DAPL1: variants seen among roughly 807,000 people sequenced by gnomAD.
DAPL1 encodes the protein death associated protein like 1, also known as death-associated protein-like 1.
Under a neutral mutation model 12.9 loss-of-function variants are expected in DAPL1, and 17 were observed. That is an observed-to-expected ratio of 1.32 (90% CI 0.90 to 1.98). The LOEUF is 1.98. Ranked by LOEUF, DAPL1 falls within the 30% of genes most tolerant of loss-of-function variation. The probability of loss-of-function intolerance (pLI) is 0.00; values close to 1 mark genes in which losing one functional copy is unlikely to be tolerated. For missense variants in DAPL1, 157 were observed against 125.7 expected, an observed-to-expected ratio of 1.25 and a Z score of -1.19; for synonymous variants, 51 against 42.0, an observed-to-expected ratio of 1.21 and a Z score of -0.82.
At chr2:158,810,107 C>A (rs1356172) in intron 3 of DAPL1, among the ~76,000 whole-genome samples, 2 of 152,174 alleles carry the variant, frequency 1.3e-5, no homozygotes, top group East Asian at 3.9e-4. Flanking sequence ...CATGAAAAAG[C>A]GTAAATTTTA....
chr2:158,801,681 G>A (rs1167559212), intron 1 of DAPL1, among the ~76,000 whole-genome samples: 2 of 152,056 alleles, frequency 1.3e-5, no homozygotes, highest in Non-Finnish European at 2.9e-5. Flanking sequence ...TAATTCAAAT[G>A]ACCAAATGGA....
chr2:158,811,116 G>A (rs1377241275), intron 3 of DAPL1, among the ~76,000 whole-genome samples: 1 of 152,160 alleles, frequency 6.6e-6, no homozygotes, highest in Non-Finnish European at 1.5e-5. Context: ...TGTGGAGGGG[G>A]AAATGCTGAA....
intron 3 of DAPL1, among the ~76,000 whole-genome samples, chr2:158,813,557 CTT>C (rs11355982): frequency 1.5e-3 from 198 of 132,858 alleles, no homozygotes; most frequent in Non-Finnish European, 1.3e-3. Context: ...TTTCCTTTTT[CTT>C]TTTTTTTTTT....
intron 1 of DAPL1, among the ~76,000 whole-genome samples, chr2:158,799,050 A>G (rs1352446753): frequency 6.6e-6 from 1 of 152,162 alleles, no homozygotes; most frequent in African/African-American, 2.4e-5. Flanking sequence ...AAACTAACTG[A>G]TGTATTTTTA....
At chr2:158,800,485 C>T (rs975675018) in intron 1 of DAPL1, among the ~76,000 whole-genome samples, 3 of 152,114 alleles carry the variant, frequency 2.0e-5, no homozygotes, top group African/African-American at 7.2e-5. Context: ...TCTTATGTCA[C>T]CTCTATTTTC....
At chr2:158,800,121 C>T (rs1212733284) in intron 1 of DAPL1, among the ~76,000 whole-genome samples, 1 of 151,138 alleles carries the variant, frequency 6.6e-6, no homozygotes, top group Non-Finnish European at 1.5e-5. Flanking sequence ...TATGCTCTTT[C>T]CAAAGAGAAA....
intron 1 of DAPL1, among the ~76,000 whole-genome samples, chr2:158,803,329 T>C (rs2059179587): frequency 6.6e-6 from 1 of 152,178 alleles, no homozygotes. Context: ...TAAAGAACAA[T>C]GATGAAGTCA....
intron 3 of DAPL1, among the ~76,000 whole-genome samples, chr2:158,810,681 C>T (rs933344401): frequency 9.2e-5 from 14 of 152,166 alleles, no homozygotes; most frequent in African/African-American, 3.1e-4. Flanking sequence ...CCTGCTTTCT[C>T]CCACCCTACC....
chr2:158,807,091 T>A lies in DAPL1; in HGVS notation c.183T>A (p.Asp61Glu). ...IANVAKIQTLDALNDALEKLN... is the reference protein window; with the variant it reads ...IANVAKIQTLEALNDALEKLN... ...ATGTTGCCAAAATACAGACACTGGA[T>A]GCCCTGAATGACGCACTGGAGAAGG... Residue 61 changes from aspartate (D) to glutamate (E), a missense_variant, in exon 3 of 4, where the codon GAT becomes GAA. Transcript: ENST00000309950. The A allele has an allele frequency of 6.2e-7, 1 of 1,611,414 alleles. No individual in the cohort carries two copies. The highest frequency in any genetic ancestry group is 1.3e-5 in the African/African-American group (1 of 74,990).
intron 2 of DAPL1, 107 bp from the exon 3 acceptor site, chr2:158,806,948 A>G (rs2059205684): frequency 1.2e-6 from 1 of 805,072 alleles, no homozygotes; most frequent in Non-Finnish European, 2.1e-6. Flanking sequence ...GTTCCTAAGC[A>G]AAGTGAAAGC....
At chr2:158,798,157 T>C (rs745390648) in intron 1 of DAPL1, among the ~76,000 whole-genome samples, 3 of 152,206 alleles carry the variant, frequency 2.0e-5, no homozygotes, top group East Asian at 1.9e-4. Context: ...CACTTTTTAA[T>C]TGGGTCTAAG....
At chr2:158,804,520 A>T in intron 2 of DAPL1, 151 bp downstream of exon 2, 36 of 472,688 alleles carry the variant, frequency 7.6e-5, no homozygotes, top group East Asian at 1.1e-4. Flanking sequence ...GTGGTGACTT[A>T]GGGTGAGGGG....
At position 158,811,368 on chromosome 2, in the gene DAPL1, A is replaced by C. The variant is rs184756094; in HGVS notation, c.207+4253A>C. On this transcript the variant is annotated intron_variant, in intron 3 of 3. Coordinates refer to ENST00000309950, the MANE Select transcript of DAPL1 (RefSeq NM_001017920.3). Reference sequence around the variant, plus strand: ...TTTGCTTAACAGGGTGTGGAAATTTAAGTGCCAATATTCGAGTTGGAAGTT... The same window carrying C: ...TTTGCTTAACAGGGTGTGGAAATTTCAGTGCCAATATTCGAGTTGGAAGTT... Among the ~76,000 whole-genome samples the C allele has an allele frequency of 5.3e-4, 81 of 152,278 alleles. No individual in the cohort carries two copies. The East Asian group carries it at 0.014, about 26-fold the overall frequency.
rs189372093 is a variant in DAPL1, at chr2:158,801,011, T to C, written c.59-3271T>C. Among the ~76,000 whole-genome samples, 759 of 152,176 alleles carry C rather than the reference T, an allele frequency of 5.0e-3. 2 individuals are homozygous for C. Among genetic ancestry groups the C allele is most frequent in the Non-Finnish European group, 8.3e-3 (562 of 68,000 alleles). On this transcript the variant is annotated intron_variant, in intron 1 of 3. Transcript: ENST00000309950. Reference sequence around the variant, plus strand: ...GCAATCGCCACCACACCCAGCTAATTTTTGTATTTTTAGTAGAGATGGGAT... The same window carrying C: ...GCAATCGCCACCACACCCAGCTAATCTTTGTATTTTTAGTAGAGATGGGAT...
intron 1 of DAPL1, among the ~76,000 whole-genome samples, chr2:158,800,331 GT>G (rs1372939256): frequency 6.6e-6 from 1 of 152,148 alleles, no homozygotes; most frequent in African/African-American, 2.4e-5. Context: ...TCTATATCAT[GT>G]TGAATAAGAC....
chr2:158,796,956 C>T (rs543669361), intron 1 of DAPL1, among the ~76,000 whole-genome samples: 18 of 152,300 alleles, frequency 1.2e-4, no homozygotes, highest in African/African-American at 4.1e-4. Context: ...CCACTGAGCA[C>T]AAGGGAACAA....
intron 1 of DAPL1, 121 bp downstream of exon 1, chr2:158,795,551 C>T: frequency 1.1e-6 from 1 of 920,206 alleles, no homozygotes; most frequent in South Asian, 1.5e-5. Context: ...ACTTTAACTC[C>T]ATGCAGCCTG....
intron 1 of DAPL1, among the ~76,000 whole-genome samples, chr2:158,801,567 G>A (rs2059168179): frequency 6.6e-6 from 1 of 152,004 alleles, no homozygotes; most frequent in South Asian, 2.1e-4. Flanking sequence ...AATAATTTAT[G>A]TATATAAAGA....
At chr2:158,797,103 T>C (rs2059138572) in intron 1 of DAPL1, among the ~76,000 whole-genome samples, 1 of 152,130 alleles carries the variant, frequency 6.6e-6, no homozygotes, top group Non-Finnish European at 1.5e-5. Context: ...ATAAGCAAAA[T>C]ACAGATCCCT....
Sources: allele counts gnomAD v4.1 joint callset (sites outside exome capture counted in the v4.1 genomes callset), GRCh38; gene constraint gnomAD v4.1.1; transcripts MANE v1.5; gene names NCBI Gene and HGNC (gene_info 2026-07-23, HGNC 2026-07-21).